GALNT10: variants seen among roughly 807,000 people sequenced by gnomAD.
The protein encoded by GALNT10 is polypeptide N-acetylgalactosaminyltransferase 10.
In GALNT10, 41 loss-of-function variants were observed where a neutral mutation model predicts 75.0. The ratio of observed to expected loss-of-function variants is 0.55; its 90% CI spans 0.43 to 0.71. The LOEUF (loss-of-function observed/expected upper bound fraction) is 0.71, where lower values mean the gene tolerates loss of function less well. Among genes scored for constraint, GALNT10 ranks in the 30% least tolerant of loss-of-function variants. The pLI is 0.00. For synonymous variants in GALNT10, 302 were observed against 313.0 expected (o/e 0.96, Z 0.37); for missense variants, 727 against 818.5 (o/e 0.89, Z 1.36).
chr5:154,269,398 A>G (rs1007392130), intron 1 of GALNT10, among the ~76,000 whole-genome samples: 14 of 152,212 alleles, frequency 9.2e-5, no homozygotes, highest in African/African-American at 3.4e-4. Flanking sequence ...AAAAAGTCCT[A>G]TTGATCCATT....
At chr5:154,268,242 A>T (rs1753806369) in intron 1 of GALNT10, among the ~76,000 whole-genome samples, 1 of 152,168 alleles carries the variant, frequency 6.6e-6, no homozygotes, top group East Asian at 1.9e-4. Context: ...CGTCATTTCA[A>T]ATATTGGGCA....
intron 1 of GALNT10, among the ~76,000 whole-genome samples, chr5:154,211,256 G>A (rs1374637588): frequency 6.6e-6 from 1 of 152,200 alleles, no homozygotes; most frequent in Non-Finnish European, 1.5e-5. Flanking sequence ...GGGGAGGGAA[G>A]AGCAGGGGAT....
chr5:154,307,443 A>T (rs1754450199), intron 3 of GALNT10, among the ~76,000 whole-genome samples: 2 of 151,950 alleles, frequency 1.3e-5, no homozygotes, highest in African/African-American at 4.8e-5. Context: ...ACATGGTGAA[A>T]CCCCGTCTCT....
At chr5:154,386,650 C>G in intron 7 of GALNT10, 1 of 608,094 alleles carries the variant, frequency 1.6e-6, no homozygotes, top group East Asian at 2.8e-5. Flanking sequence ...CTGCCAAAGG[C>G]TGGTCCTCAC....
intron 1 of GALNT10, among the ~76,000 whole-genome samples, chr5:154,191,285 C>T (rs1381561669): frequency 6.6e-6 from 1 of 152,196 alleles, no homozygotes; most frequent in Non-Finnish European, 1.5e-5. Flanking sequence ...CTGTCCCCGT[C>T]TGGTATTCCT....
intron 4 of GALNT10, among the ~76,000 whole-genome samples, chr5:154,367,632 A>T (rs1755496746): frequency 1.3e-5 from 2 of 152,168 alleles, no homozygotes; most frequent in South Asian, 4.1e-4. Context: ...AGGTGGGCGG[A>T]TCATGAGGTC....
chr5:154,264,184 A>C (rs965961081), intron 1 of GALNT10, among the ~76,000 whole-genome samples: 7 of 151,910 alleles, frequency 4.6e-5, no homozygotes, highest in African/African-American at 1.5e-4. Flanking sequence ...GCAGTGGTGC[A>C]TGCCTGTAAT....
chr5:154,412,711 G>C lies in GALNT10; in HGVS notation c.1387-178G>C. 3.2e-6 allele frequency: 2 copies of C among 630,736 alleles called. No homozygotes were observed. The highest frequency in any genetic ancestry group is 3.5e-5 in the South Asian group (2 of 57,254). 39.1% of individuals were successfully genotyped at this position (630,736 alleles called of 1,614,324 possible). A position where few individuals can be genotyped will look rare whatever the true frequency, so the allele number is the denominator to read the frequency against. On this transcript the variant is annotated intron_variant, in intron 9 of 11. Coordinates refer to ENST00000297107, the MANE Select transcript of GALNT10 (RefSeq NM_198321.4). This position sits in a 1 kb window ranked among gnomAD's most constrained non-coding sequence, Gnocchi z 4.2. ...TTAAGGATTACATTCTGTGGACTGA[G>C]TCTTCCTTCATTGAGAGGCTCAAGG...
intron 4 of GALNT10, among the ~76,000 whole-genome samples, chr5:154,367,813 G>A (rs376195835): frequency 3.1e-4 from 46 of 150,392 alleles, no homozygotes; most frequent in African/African-American, 1.1e-3. Flanking sequence ...AGCCGAGATC[G>A]CGCCCCTGCA....
At chr5:154,300,757 AT>A in intron 3 of GALNT10, among the ~76,000 whole-genome samples, 1 of 152,374 alleles carries the variant, frequency 6.6e-6, no homozygotes, top group African/African-American at 2.4e-5. Context: ...TGAGCTGGGC[AT>A]TACACCATAG....
intron 4 of GALNT10, chr5:154,337,954 C>T (rs1231864567): frequency 1.5e-5 from 23 of 1,574,070 alleles, no homozygotes; most frequent in African/African-American, 8.1e-5. Context: ...GTCTTATCCA[C>T]GGAGTCATGG....
chr5:154,225,259 A>AT (rs1753044136), intron 1 of GALNT10, among the ~76,000 whole-genome samples: 3 of 150,286 alleles, frequency 2.0e-5, no homozygotes, highest in African/African-American at 7.4e-5. Context: ...TGCCCGGCTA[A>AT]TTTTTTGTAT....
At chr5:154,191,837 G>C (rs1774865675) in intron 1 of GALNT10, among the ~76,000 whole-genome samples, 1 of 152,240 alleles carries the variant, frequency 6.6e-6, no homozygotes, top group African/African-American at 2.4e-5. Flanking sequence ...GTCTAGTCTG[G>C]TTAGTTGTAG....
At chr5:154,331,804 G>A (rs1226490635) in intron 4 of GALNT10, among the ~76,000 whole-genome samples, 2 of 152,098 alleles carry the variant, frequency 1.3e-5, no homozygotes, top group Non-Finnish European at 2.9e-5. Context: ...CTCAACCTCC[G>A]CCTAAAATAT....
chr5:154,412,119 C>T lies in GALNT10; in HGVS notation c.1387-770C>T, dbSNP rs192083199. ...TACAGGATCTGGGTGCAATGAGACT[C>T]TCTGCAACAGGAAATTGGGTGGTGC... is the stretch of plus-strand genomic sequence containing the variant. On this transcript the variant is annotated intron_variant, in intron 9 of 11. Transcript: ENST00000297107. This position sits in a 1 kb window ranked among gnomAD's most constrained non-coding sequence, Gnocchi z 4.2. Among the ~76,000 whole-genome samples, 218 of 152,330 alleles carry T rather than the reference C, an allele frequency of 1.4e-3. 1 individual carries two copies. The highest frequency in any genetic ancestry group is 1.8e-3 in the Admixed American group (28 of 15,306).
intron 4 of GALNT10, among the ~76,000 whole-genome samples, chr5:154,366,504 G>A (rs1275686608): frequency 6.6e-6 from 1 of 152,164 alleles, no homozygotes; most frequent in Non-Finnish European, 1.5e-5. Flanking sequence ...GCCGGATGTT[G>A]GAGCTATGTT....
chr5:154,371,563 T>TGTAC (rs1002294143), intron 4 of GALNT10, among the ~76,000 whole-genome samples: 19 of 51,020 alleles, frequency 3.7e-4, no homozygotes, highest in East Asian at 1.5e-3. Context: ...TGTGTGTGTG[T>TGTAC]ACACACACAC....
At chr5:154,219,828 TCTCTCTCTCTCA>T (rs1752945617) in intron 1 of GALNT10, among the ~76,000 whole-genome samples, 2 of 76,602 alleles carry the variant, frequency 2.6e-5, no homozygotes, top group Admixed American at 2.1e-4. Context: ...TCTCTCTCTC[TCTCTCTCTCTCA>T]CACACACACA....
At chr5:154,266,595 C>A in intron 1 of GALNT10, among the ~76,000 whole-genome samples, 1 of 150,710 alleles carries the variant, frequency 6.6e-6, no homozygotes, top group African/African-American at 2.5e-5. Flanking sequence ...AAACAGCTTC[C>A]CAGGTGTGAT....
Sources: gnomAD v4.1 joint callset for allele counts (sites outside exome capture counted in the v4.1 genomes callset) on GRCh38, gnomAD v4.1.1 for gene constraint, Gnocchi (gnomAD v3.1) non-coding constraint, MANE v1.5 for transcripts, NCBI Gene and HGNC (gene_info 2026-07-23, HGNC 2026-07-21) for gene names.